Variants in PRMT8 observed in about 807,000 individuals in gnomAD.
The protein encoded by PRMT8 is protein arginine N-methyltransferase 8.
In PRMT8, 7 loss-of-function variants were observed where a neutral mutation model predicts 47.1. That is an observed-to-expected ratio of 0.15 (90% CI 0.08 to 0.28). PRMT8 has a LOEUF of 0.28. Ranked by LOEUF, PRMT8 falls within the 10% of genes least tolerant of loss-of-function variation. The pLI, the probability that PRMT8 is intolerant of heterozygous loss-of-function variation, is 1.00. For missense variants in PRMT8, 237 were observed against 505.4 expected, an observed-to-expected ratio of 0.47 and a Z score of 5.09; for synonymous variants, 188 against 186.5, an observed-to-expected ratio of 1.01 and a Z score of -0.07.
At chr12:3,437,857 T>C (rs1864761426) in intron 1 of PRMT8, among the ~76,000 whole-genome samples, 1 of 152,098 alleles carries the variant, frequency 6.6e-6, no homozygotes, top group African/African-American at 2.4e-5. Flanking sequence ...AATGAGGTGA[T>C]GTACAGTGTG....
intron 2 of PRMT8, among the ~76,000 whole-genome samples, chr12:3,542,864 A>G (rs1392014323): frequency 6.6e-6 from 1 of 152,222 alleles, no homozygotes; most frequent in Non-Finnish European, 1.5e-5. Context: ...AGCTTGGCAC[A>G]TTGTCTGGAG....
At position 3,453,570 on chromosome 12, in the gene PRMT8, T is replaced by C. The variant is rs1864943510; in HGVS notation, c.48+72128T>C. Among the ~76,000 whole-genome samples, 1 of 152,178 alleles carries C rather than the reference T, an allele frequency of 6.6e-6. No homozygotes were observed. The highest frequency in any genetic ancestry group is 1.5e-5 in the Non-Finnish European group (1 of 68,028). ...AGACGCTGCATTCCGCATGCCATCG[T>C]GACCTTGAAGTAGGGCTGAGAATGA... On this transcript the variant is annotated intron_variant, in intron 1 of 9. Transcript: ENST00000452611. The surrounding 1 kb of genome is among the most constrained non-coding windows in gnomAD (Gnocchi z 4.9).
intron 1 of PRMT8, among the ~76,000 whole-genome samples, chr12:3,468,756 G>A (rs879487235): frequency 1.3e-5 from 2 of 152,218 alleles, no homozygotes; most frequent in South Asian, 2.1e-4. Context: ...GCCAAGAAAT[G>A]GTCAGCAAGC....
At chr12:3,421,418 G>A (rs1023689486) in intron 1 of PRMT8, among the ~76,000 whole-genome samples, 4 of 152,290 alleles carry the variant, frequency 2.6e-5, no homozygotes, top group East Asian at 1.9e-4. Flanking sequence ...CCATCCTGCC[G>A]GGGGGTGGGG....
At chr12:3,419,208 C>T (rs1864514676) in intron 1 of PRMT8, among the ~76,000 whole-genome samples, 2 of 152,312 alleles carry the variant, frequency 1.3e-5, no homozygotes, top group East Asian at 1.9e-4. Flanking sequence ...GCTGAGCTGA[C>T]GGGAGAGCCT....
At chr12:3,417,420 G>A (rs1236062547) in intron 1 of PRMT8, among the ~76,000 whole-genome samples, 9 of 152,170 alleles carry the variant, frequency 5.9e-5, no homozygotes, top group Admixed American at 5.9e-4. Context: ...AGGAATTATT[G>A]AGAATGCAGA....
At chr12:3,577,699 C>T (rs554210257) in intron 7 of PRMT8, among the ~76,000 whole-genome samples, 2 of 152,038 alleles carry the variant, frequency 1.3e-5, no homozygotes, top group Admixed American at 1.3e-4. Context: ...AGCTCATTAG[C>T]TATCATTAGT....
intron 1 of PRMT8, among the ~76,000 whole-genome samples, chr12:3,531,709 A>G (rs1305803942): frequency 6.6e-6 from 1 of 152,240 alleles, no homozygotes; most frequent in East Asian, 1.9e-4. Context: ...GACCCTGGTC[A>G]GGACAGCGAG....
chr12:3,392,419 T>A (rs1376635938), intron 1 of PRMT8, among the ~76,000 whole-genome samples: 3 of 140,724 alleles, frequency 2.1e-5, no homozygotes, highest in East Asian at 4.4e-4. Context: ...TGTCCATGTG[T>A]TCTCATTGTT....
At chr12:3,553,839 G>A (rs1866472708) in intron 4 of PRMT8, 125 bp downstream of exon 4, 2 of 860,634 alleles carry the variant, frequency 2.3e-6, no homozygotes, top group African/African-American at 3.3e-5. Context: ...GCACCCAGCT[G>A]AGGCCCCCGC....
chr12:3,512,452 C>T (rs1455493712), intron 1 of PRMT8, among the ~76,000 whole-genome samples: 1 of 152,086 alleles, frequency 6.6e-6, no homozygotes, highest in East Asian at 1.9e-4. Context: ...CTCACCTTTC[C>T]TTCCAATTTG....
At chr12:3,491,845 T>C (rs1394799050) in intron 1 of PRMT8, 145 bp downstream of exon 1, 3,046 of 140,842 alleles carry the variant, frequency 0.022, 140 homozygotes, top group South Asian at 0.028. Flanking sequence ...TGTGTGTGTG[T>C]GTGTGTGTGT....
intron 1 of PRMT8, among the ~76,000 whole-genome samples, chr12:3,516,791 C>G (rs561511714): frequency 2.0e-5 from 3 of 152,106 alleles, no homozygotes; most frequent in African/African-American, 7.2e-5. Flanking sequence ...TTGGCCTCCC[C>G]CTCCCCACCT....
In PRMT8 at chr12:3,569,360, G is replaced by A. The variant is rs1866801865; in HGVS notation, c.625-117G>A. 6 of 853,222 alleles carry A rather than the reference G, an allele frequency of 7.0e-6. No individual in the cohort carries two copies. Among genetic ancestry groups the A allele is most frequent in the Non-Finnish European group, 1.2e-5 (6 of 496,408 alleles). 52.9% of individuals were successfully genotyped at this position (853,222 alleles called of 1,614,324 possible). A position where few individuals can be genotyped will look rare whatever the true frequency, so the allele number is the denominator to read the frequency against. ...ACCCCAGACAAGGTGACAGTCCACT[G>A]CATGAGAGATGGTGGCAAGGGGGTG... On this transcript the variant is annotated intron_variant, in intron 5 of 9. Coordinates refer to ENST00000382622, the MANE Select transcript of PRMT8 (RefSeq NM_019854.5). The surrounding 1 kb of genome is among the most constrained non-coding windows in gnomAD (Gnocchi z 8.2).
intron 1 of PRMT8, among the ~76,000 whole-genome samples, chr12:3,506,255 A>G (rs937369590): frequency 6.6e-6 from 1 of 152,258 alleles, no homozygotes; most frequent in Non-Finnish European, 1.5e-5. Flanking sequence ...GTTATTTCAC[A>G]TAAAGCACAT....
intron 7 of PRMT8, among the ~76,000 whole-genome samples, chr12:3,579,400 G>C (rs1396167796): frequency 6.6e-6 from 1 of 152,128 alleles, no homozygotes; most frequent in Admixed American, 6.5e-5. Flanking sequence ...GAACTAGCAG[G>C]GGCCTTTCAG....
At chr12:3,531,174 G>T (rs1247521017) in intron 1 of PRMT8, among the ~76,000 whole-genome samples, 1 of 151,604 alleles carries the variant, frequency 6.6e-6, no homozygotes. Context: ...GCAAGGTGAG[G>T]GTAAGAGAGG....
intron 1 of PRMT8, among the ~76,000 whole-genome samples, chr12:3,402,588 T>A (rs982394266): frequency 1.3e-5 from 2 of 152,234 alleles, no homozygotes; most frequent in Non-Finnish European, 2.9e-5. Context: ...AAAGGTCTAA[T>A]ATCCATAGTC....
Position 3,566,422 on chromosome 12 carries a change from A to G in PRMT8, c.482-2284A>G, listed in dbSNP as rs1866722189. Among the ~76,000 whole-genome samples the G allele has an allele frequency of 6.6e-6, 1 of 152,176 alleles. No homozygotes were observed. Among genetic ancestry groups the G allele is most frequent in the Non-Finnish European group, 1.5e-5 (1 of 68,020 alleles). Reference sequence around the variant, plus strand: ...CTTCCTGCTCATACTTTTTAATGGTAGGGGCTTTTGAGCAGTAACCAGTCA... The same window carrying G: ...CTTCCTGCTCATACTTTTTAATGGTGGGGGCTTTTGAGCAGTAACCAGTCA... On this transcript the variant is annotated intron_variant, in intron 4 of 9. Coordinates refer to ENST00000382622, the MANE Select transcript of PRMT8 (RefSeq NM_019854.5). The surrounding 1 kb of genome is among the most constrained non-coding windows in gnomAD (Gnocchi z 4.7).
Sources: gnomAD v4.1 joint callset for allele counts (sites outside exome capture counted in the v4.1 genomes callset) on GRCh38, gnomAD v4.1.1 for gene constraint, Gnocchi (gnomAD v3.1) non-coding constraint, MANE v1.5 for transcripts, NCBI Gene and HGNC (gene_info 2026-07-23, HGNC 2026-07-21) for gene names.